The following INPP1 variants were observed in gnomAD, a reference collection of about 807,000 sequenced individuals.
INPP1 encodes inositol polyphosphate-1-phosphatase.
Under a neutral mutation model 23.0 loss-of-function variants are expected in INPP1, and 18 were observed. The observed-to-expected ratio is 0.78, with a 90% CI of 0.54 to 1.16. The LOEUF (loss-of-function observed/expected upper bound fraction) is 1.16, where lower values mean the gene tolerates loss of function less well. INPP1 is among the 50% of genes most tolerant of loss of function. The pLI is 0.00. For missense variants in INPP1, 448 were observed against 482.1 expected, an observed-to-expected ratio of 0.93 and a Z score of 0.66; for synonymous variants, 164 against 176.3, an observed-to-expected ratio of 0.93 and a Z score of 0.55.
intron 4 of INPP1, among the ~76,000 whole-genome samples, chr2:190,364,806 G>A (rs1463434299): frequency 6.6e-6 from 1 of 151,654 alleles, no homozygotes; most frequent in Non-Finnish European, 1.5e-5. Flanking sequence ...GTTTCACTAT[G>A]TTGACCAGGG....
chr2:190,358,539 T>A (rs1228671157), intron 2 of INPP1, among the ~76,000 whole-genome samples: 1 of 152,202 alleles, frequency 6.6e-6, no homozygotes, highest in South Asian at 2.1e-4. Context: ...TTTCTTTTAA[T>A]GAAGGAAACT....
At position 190,371,653 on chromosome 2, in the gene INPP1, A is replaced by G. The variant is rs2067454; in HGVS notation, c.*251A>G. 95,657 of 329,238 alleles carry G rather than the reference A, an allele frequency of 0.29. 15,043 individuals are homozygous for G. The highest frequency in any genetic ancestry group is 0.45 in the East Asian group (9,327 of 20,826). The allele number at this position is 329,238 out of a possible 1,614,324, so 20.4% of individuals were successfully genotyped here. A position where few individuals can be genotyped will look rare whatever the true frequency, so the allele number is the denominator to read the frequency against. On this transcript the variant is annotated 3_prime_UTR_variant, in exon 7 of 7. Transcript: ENST00000392329. This position sits in a 1 kb window ranked among gnomAD's most constrained non-coding sequence, Gnocchi z 5.3. Reference sequence around the variant, plus strand: ...GTGCTGCTTGAAACATTTCAATAAAATATTGACCAGGAGCAGTGGCTCATG... The same window carrying G: ...GTGCTGCTTGAAACATTTCAATAAAGTATTGACCAGGAGCAGTGGCTCATG...
rs1001123727 is a variant in INPP1 at position 190,346,796 on chromosome 2, G to C, written c.-208-2092G>C. ...CTAATTTTTAAAATTGTAGAGATGG[G>C]GTCCCACTATGTTGCCCAGGTTGGT... On this transcript the variant is annotated intron_variant, in intron 1 of 6. Transcript: ENST00000392329. This position sits in a 1 kb window ranked among gnomAD's most constrained non-coding sequence, Gnocchi z 5.1. Among the ~76,000 whole-genome samples the C allele has an allele frequency of 6.6e-6, 1 of 151,472 alleles. No homozygotes were observed. The highest frequency in any genetic ancestry group is 2.4e-5 in the African/African-American group (1 of 41,144).
chr2:190,353,303 C>G (rs908282588), intron 2 of INPP1, among the ~76,000 whole-genome samples: 4 of 152,192 alleles, frequency 2.6e-5, no homozygotes, highest in African/African-American at 9.7e-5. Flanking sequence ...TAGTCTCAGC[C>G]TCTAGGAGCC....
At chr2:190,364,435 A>C (rs1017887478) in intron 4 of INPP1, among the ~76,000 whole-genome samples, 1 of 151,598 alleles carries the variant, frequency 6.6e-6, no homozygotes, top group Non-Finnish European at 1.5e-5. Flanking sequence ...CCAGATACTC[A>C]GGAGGCTGAG....
Position 190,363,387 on chromosome 2 carries a change from C to A in INPP1, c.265+700C>A, listed in dbSNP as rs1368611537. Among the ~76,000 whole-genome samples the A allele has an allele frequency of 6.6e-6, 1 of 152,122 alleles. No individual in the cohort carries two copies. Among genetic ancestry groups the A allele is most frequent in the African/African-American group, 2.4e-5 (1 of 41,402 alleles). On this transcript the variant is annotated intron_variant, in intron 4 of 6. Coordinates refer to ENST00000392329, the MANE Select transcript of INPP1 (RefSeq NM_001128928.2). This position sits in a 1 kb window ranked among gnomAD's most constrained non-coding sequence, Gnocchi z 4.4. ...GGCTGGGATTACAAGCATGTGCCAC[C>A]ACACCTGGCTAATTTTTGTATTTTT...
rs1263877087 is a variant in INPP1 at position 190,371,164 on chromosome 2, A to G, written c.962A>G (p.His321Arg). Reference protein sequence around the residue: ...TTFKWDSCAAHAILRAMGGGI... With the variant: ...TTFKWDSCAARAILRAMGGGI... ...TTCAAATGGGACTCTTGTGCTGCTC[A>G]TGCCATACTGAGGGCCATGGGTGGG... The change falls in exon 7 of 7, where the codon CAT (histidine) becomes CGT (arginine). Residue 321 changes from histidine (H) to arginine (R), a missense_variant. Coordinates refer to ENST00000392329, the MANE Select transcript of INPP1 (RefSeq NM_001128928.2). This position sits in a 1 kb window ranked among gnomAD's most constrained non-coding sequence, Gnocchi z 5.3. The G allele has an allele frequency of 1.7e-5, 27 of 1,614,098 alleles. No homozygotes were observed. The highest frequency in any genetic ancestry group is 2.1e-5 in the Non-Finnish European group (25 of 1,180,046).
chr2:190,353,850 G>A (rs753826267), intron 2 of INPP1, among the ~76,000 whole-genome samples: 2 of 152,164 alleles, frequency 1.3e-5, no homozygotes, highest in Non-Finnish European at 2.9e-5. Context: ...TTCTGATAAT[G>A]GCTGGAAATT....
In INPP1 at chr2:190,367,876, A is replaced by G. The variant is rs1689713447; in HGVS notation, c.466+981A>G. Reference sequence around the variant, plus strand: ...GACCTACCATGCCCAGCCAGCCTTTATCTTCAATGATGCTATTAATACAAG... The same window carrying G: ...GACCTACCATGCCCAGCCAGCCTTTGTCTTCAATGATGCTATTAATACAAG... On this transcript the variant is annotated intron_variant, in intron 5 of 6. Transcript: ENST00000392329. The surrounding 1 kb of genome is among the most constrained non-coding windows in gnomAD (Gnocchi z 4.1). Among the ~76,000 whole-genome samples the G allele has an allele frequency of 2.0e-5, 3 of 152,196 alleles. No homozygotes were observed. Among genetic ancestry groups the G allele is most frequent in the African/African-American group, 4.8e-5 (2 of 41,446 alleles).
In INPP1 at chr2:190,356,908, T is replaced by G. The variant is rs957314571; in HGVS notation, c.-64-3131T>G. On this transcript the variant is annotated intron_variant, in intron 2 of 6. Transcript: ENST00000392329. The surrounding 1 kb of genome is among the most constrained non-coding windows in gnomAD (Gnocchi z 6.4). ...AAAATTAAGGTTACTGAATGTATAC[T>G]TTTGTGGCCATGTATTATACTGAGA... 1 of 152,218 alleles carries G rather than the reference T, an allele frequency of 6.6e-6. No individual in the cohort carries two copies. The allele number at this position is 152,218 out of a possible 1,614,324, so 9.4% of individuals were successfully genotyped here.
chr2:190,365,160 T>C (rs1689619076), intron 4 of INPP1: 1 of 169,182 alleles, frequency 5.9e-6, no homozygotes, highest in Admixed American at 6.5e-5. Context: ...TAATCAAGGG[T>C]CTAAGAAGCA....
chr2:190,362,651 T>C lies in INPP1; in HGVS notation c.229T>C (p.Phe77Leu). 1 of 1,608,436 alleles carries C rather than the reference T, an allele frequency of 6.2e-7. No individual in the cohort carries two copies. The highest frequency in any genetic ancestry group is 1.1e-5 in the South Asian group (1 of 90,004). Residue 77 changes from phenylalanine to leucine, a missense_variant, in exon 4 of 7, where the codon TTT becomes CTT. Coordinates refer to ENST00000392329, the MANE Select transcript of INPP1 (RefSeq NM_001128928.2). ...NKFPGLEKNI[F>L]GEESNEFTND... ...GTTTCCAGGCTTGGAAAAAAATATT[T>C]TTGGAGAAGAATCCAATGAGTTTAC... is the stretch of plus-strand genomic sequence containing the variant.
chr2:190,360,401 A>G (rs1042386372), intron 3 of INPP1, 95 bp downstream of exon 3: 2 of 948,530 alleles, frequency 2.1e-6, no homozygotes, highest in Admixed American at 2.2e-5. Flanking sequence ...CACCCCTATC[A>G]GTATACTAGC....
intron 2 of INPP1, among the ~76,000 whole-genome samples, chr2:190,357,824 A>T (rs539366391): frequency 5.9e-5 from 9 of 152,330 alleles, no homozygotes; most frequent in Non-Finnish European, 1.2e-4. Context: ...CATCTCCAAG[A>T]GGGAATGTAA....
rs898198315 is a variant in INPP1, at chr2:190,368,939, C to G, written c.467-164C>G. The G allele has an allele frequency of 1.2e-5, 5 of 424,024 alleles. No homozygotes were observed. The highest frequency in any genetic ancestry group is 2.1e-5 in the Non-Finnish European group (5 of 239,658). 26.3% of individuals were successfully genotyped at this position (424,024 alleles called of 1,614,324 possible). A position where few individuals can be genotyped will look rare whatever the true frequency, so the allele number is the denominator to read the frequency against. ...CACAGTCAGGAAAATGAAACACAAG[C>G]AATTTAAAAGTAAAGTACAAGAGGC... On this transcript the variant is annotated intron_variant, in intron 5 of 6. Transcript: ENST00000392329. The surrounding 1 kb of genome is among the most constrained non-coding windows in gnomAD (Gnocchi z 4.3).
intron 2 of INPP1, among the ~76,000 whole-genome samples, chr2:190,359,371 C>G (rs1025834459): frequency 2.0e-5 from 3 of 151,742 alleles, no homozygotes; most frequent in Non-Finnish European, 2.9e-5. Context: ...CCCTGGATAA[C>G]ACGGTGAAAC....
At chr2:190,358,072 ATTTTTTTT>A (rs749071988) in intron 2 of INPP1, among the ~76,000 whole-genome samples, 4 of 111,406 alleles carry the variant, frequency 3.6e-5, no homozygotes, top group Admixed American at 1.0e-4. Flanking sequence ...CATTAAGGGA[ATTTTTTTT>A]TTTTTTTTTT....
chr2:190,368,462 C>CT lies in INPP1; in HGVS notation c.467-634dup, dbSNP rs546735559. 6.7e-3 allele frequency among the ~76,000 whole-genome samples: 1,022 copies of CT among 152,142 alleles called. 11 individuals carry two copies. The highest frequency in any genetic ancestry group is 0.023 in the African/African-American group (971 of 41,522). On this transcript the variant is annotated intron_variant, in intron 5 of 6. Transcript: ENST00000392329. The surrounding 1 kb of genome is among the most constrained non-coding windows in gnomAD (Gnocchi z 4.3). ...GACCTATTACAGGAGGGGGGCTTTT[C>CT]TTTTTTTCTTTTCCTTTTTAAAATG...
In INPP1 at chr2:190,371,153, T is replaced by C. The variant is rs766982624; in HGVS notation, c.951T>C (p.Ser317=). 3.1e-6 allele frequency: 5 copies of C among 1,614,190 alleles called. No individual in the cohort carries two copies. Among genetic ancestry groups the C allele is most frequent in the South Asian group, 1.1e-5 (1 of 91,076 alleles). ...AAGATACCACATTCAAATGGGACTC[T>C]TGTGCTGCTCATGCCATACTGAGGG... ...FSEDTTFKWD[S]CAAHAILRAM... Residue 317 remains serine, a synonymous_variant, in exon 7 of 7, where the codon TCT becomes TCC. Coordinates refer to ENST00000392329, the MANE Select transcript of INPP1 (RefSeq NM_001128928.2). This position sits in a 1 kb window ranked among gnomAD's most constrained non-coding sequence, Gnocchi z 5.3.
Sources: gnomAD v4.1 joint callset for allele counts (sites outside exome capture counted in the v4.1 genomes callset) on GRCh38, gnomAD v4.1.1 for gene constraint, Gnocchi (gnomAD v3.1) non-coding constraint, MANE v1.5 for transcripts, NCBI Gene and HGNC (gene_info 2026-07-23, HGNC 2026-07-21) for gene names.